Variants in NSG2 observed in about 807,000 individuals in gnomAD.
NSG2 encodes the protein neuronal vesicle trafficking associated 2, also known as neuronal vesicle trafficking-associated protein 2.
In NSG2, 4 loss-of-function variants were observed where a neutral mutation model predicts 16.9. That is an observed-to-expected ratio of 0.24 (90% CI 0.12 to 0.54). NSG2 has a LOEUF of 0.54. Among genes scored for constraint, NSG2 ranks in the 20% least tolerant of loss-of-function variants. The probability of loss-of-function intolerance (pLI) is 0.95; values close to 1 mark genes in which losing one functional copy is unlikely to be tolerated. For synonymous variants in NSG2, 98 were observed against 88.7 expected, an observed-to-expected ratio of 1.11 and a Z score of -0.59; for missense variants, 179 against 221.1, an observed-to-expected ratio of 0.81 and a Z score of 1.21.
chr5:174,055,587 G>T (rs1377475143), intron 2 of NSG2, among the ~76,000 whole-genome samples: 2 of 152,078 alleles, frequency 1.3e-5, no homozygotes, highest in African/African-American at 4.8e-5. Context: ...GCGACAGAGC[G>T]AGACTCTGTC....
intron 3 of NSG2, among the ~76,000 whole-genome samples, chr5:174,102,735 A>G (rs544048537): frequency 6.6e-6 from 1 of 151,668 alleles, no homozygotes; most frequent in African/African-American, 2.4e-5. Context: ...TCGAGCAGAA[A>G]AGGGCCATGC....
chr5:174,098,082 C>T (rs1296365477), intron 3 of NSG2, among the ~76,000 whole-genome samples: 1 of 151,952 alleles, frequency 6.6e-6, no homozygotes, highest in Non-Finnish European at 1.5e-5. Context: ...TGGAGCAGGC[C>T]CCAGCTACAC....
intron 1 of NSG2, among the ~76,000 whole-genome samples, chr5:174,046,424 T>C (rs1370006510): frequency 6.6e-6 from 1 of 152,184 alleles, no homozygotes. Context: ...GTGTGAGCAC[T>C]TTAGCTCTAG....
At chr5:174,084,425 C>A (rs1379492071) in intron 3 of NSG2, among the ~76,000 whole-genome samples, 1 of 152,206 alleles carries the variant, frequency 6.6e-6, no homozygotes, top group African/African-American at 2.4e-5. Flanking sequence ...GAGATGAGTC[C>A]TCAGGGCCTC....
At chr5:174,059,523 G>C (rs1397919884) in intron 2 of NSG2, among the ~76,000 whole-genome samples, 1 of 152,078 alleles carries the variant, frequency 6.6e-6, no homozygotes, top group African/African-American at 2.4e-5. Flanking sequence ...TCACTTTTCA[G>C]TTCATTTTCT....
chr5:174,099,105 G>A (rs762014088), intron 3 of NSG2, among the ~76,000 whole-genome samples: 1 of 152,122 alleles, frequency 6.6e-6, no homozygotes, highest in Non-Finnish European at 1.5e-5. Flanking sequence ...CAGGGATCAG[G>A]CACGTAGGCC....
intron 3 of NSG2, among the ~76,000 whole-genome samples, chr5:174,076,218 G>A (rs1399027588): frequency 1.3e-5 from 2 of 152,168 alleles, no homozygotes; most frequent in African/African-American, 4.8e-5. Context: ...CACAGCGCCC[G>A]GCATGCAGTA....
intron 3 of NSG2, among the ~76,000 whole-genome samples, chr5:174,070,721 C>G (rs1267907670): frequency 6.6e-6 from 1 of 152,204 alleles, no homozygotes; most frequent in Non-Finnish European, 1.5e-5. Context: ...TCCTGATCCT[C>G]TAGCTGGATT....
intron 3 of NSG2, among the ~76,000 whole-genome samples, chr5:174,067,300 C>T (rs550698387): frequency 1.3e-5 from 2 of 152,226 alleles, no homozygotes; most frequent in South Asian, 2.1e-4. Context: ...GGTGACATAA[C>T]ATGCTGACCC....
chr5:174,076,603 C>T (rs1047328011), intron 3 of NSG2, among the ~76,000 whole-genome samples: 4 of 152,068 alleles, frequency 2.6e-5, no homozygotes, highest in African/African-American at 9.7e-5. Flanking sequence ...GTCAAGAAAC[C>T]TGGTTTCTGG....
At chr5:174,089,737 C>T (rs987779535) in intron 3 of NSG2, among the ~76,000 whole-genome samples, 2 of 152,148 alleles carry the variant, frequency 1.3e-5, no homozygotes, top group African/African-American at 4.8e-5. Context: ...AGCTCAGCCT[C>T]CTGAGTAGCT....
Position 174,107,206 on chromosome 5 carries a change from C to A in NSG2, c.325-108C>A. The A allele has an allele frequency of 9.7e-7, 1 of 1,026,994 alleles. No homozygotes were observed. Among genetic ancestry groups the A allele is most frequent in the Admixed American group, 2.6e-5 (1 of 37,918 alleles). The allele number at this position is 1,026,994 out of a possible 1,614,324, so 63.6% of individuals were successfully genotyped here. ...CAGGTCAGGAGCTGTCACCTGCCCT[C>A]TGGCTGACAGCCCGATGCAGCTGCA... On this transcript the variant is annotated intron_variant, in intron 4 of 4. Coordinates refer to ENST00000303177, the MANE Select transcript of NSG2 (RefSeq NM_015980.5). The surrounding 1 kb of genome is among the most constrained non-coding windows in gnomAD (Gnocchi z 4.5).
At chr5:174,052,098 A>G (rs1403392682) in intron 2 of NSG2, among the ~76,000 whole-genome samples, 1 of 152,210 alleles carries the variant, frequency 6.6e-6, no homozygotes, top group African/African-American at 2.4e-5. Flanking sequence ...GTTCAGTCTC[A>G]TGCTTGGTCT....
chr5:174,098,855 T>C (rs1005823760), intron 3 of NSG2, among the ~76,000 whole-genome samples: 3 of 152,222 alleles, frequency 2.0e-5, no homozygotes, highest in African/African-American at 4.8e-5. Context: ...GTGCCTGTAA[T>C]GAAACCCTCC....
chr5:174,092,140 A>G (rs1760730603), intron 3 of NSG2, among the ~76,000 whole-genome samples: 1 of 152,244 alleles, frequency 6.6e-6, no homozygotes, highest in Admixed American at 6.5e-5. Context: ...GGGGGATCAG[A>G]ATCTATGTGT....
At position 174,072,971 on chromosome 5, in the gene NSG2, G is replaced by A. The variant is rs1054221471; in HGVS notation, c.213+8656G>A. On this transcript the variant is annotated intron_variant, in intron 3 of 4. Transcript: ENST00000303177. This position sits in a 1 kb window ranked among gnomAD's most constrained non-coding sequence, Gnocchi z 4.0. ...TGCACTCCAACCTGGGTAACAGAGT[G>A]AGATCCTGTCTCAAATGAATGAATG... Among the ~76,000 whole-genome samples the A allele has an allele frequency of 1.3e-5, 2 of 152,144 alleles. No homozygotes were observed. Among genetic ancestry groups the A allele is most frequent in the African/African-American group, 2.4e-5 (1 of 41,418 alleles).
At chr5:174,083,380 T>C (rs992701833) in intron 3 of NSG2, among the ~76,000 whole-genome samples, 13 of 152,212 alleles carry the variant, frequency 8.5e-5, no homozygotes, top group Non-Finnish European at 1.3e-4. Context: ...AATTGTTCTT[T>C]ATAACAGAAA....
intron 4 of NSG2, among the ~76,000 whole-genome samples, chr5:174,105,535 A>G (rs892513282): frequency 6.6e-5 from 10 of 152,256 alleles, no homozygotes; most frequent in African/African-American, 2.4e-4. Context: ...CTAAGAGGTA[A>G]TGAACCTGGA....
At chr5:174,075,894 T>C (rs1760333185) in intron 3 of NSG2, among the ~76,000 whole-genome samples, 1 of 152,236 alleles carries the variant, frequency 6.6e-6, no homozygotes, top group Admixed American at 6.5e-5. Context: ...TAGGCCTCGC[T>C]TCCTCCTGGG....
Sources: allele counts gnomAD v4.1 joint callset (sites outside exome capture counted in the v4.1 genomes callset), GRCh38; gene constraint gnomAD v4.1.1; non-coding constraint Gnocchi (gnomAD v3.1); transcripts MANE v1.5; gene names NCBI Gene and HGNC (gene_info 2026-07-23, HGNC 2026-07-21).